Variants in BBS9 observed in about 807,000 individuals in gnomAD.
BBS9 encodes Bardet-Biedl syndrome 9.
A neutral mutation model predicts 117.7 loss-of-function variants in BBS9; 89 were observed. The ratio of observed to expected loss-of-function variants is 0.76; its 90% confidence interval spans 0.64 to 0.90. BBS9 has a LOEUF of 0.90. Among genes scored for constraint, BBS9 ranks in the 40% least tolerant of loss-of-function variants. The pLI is 0.00. For missense variants in BBS9, 982 were observed against 1,042.2 expected (o/e 0.94, Z 0.80); for synonymous variants, 379 against 370.9 (o/e 1.02, Z -0.25).
At chr7:33,191,372 T>C (rs1415258660) in intron 5 of BBS9, among the ~76,000 whole-genome samples, 1 of 152,144 alleles carries the variant, frequency 6.6e-6, no homozygotes, top group East Asian at 1.9e-4. Flanking sequence ...ATGGGGTCAA[T>C]ATATAAAGGG....
intron 15 of BBS9, 101 bp downstream of exon 15, chr7:33,352,974 C>A (rs976240935): frequency 1.6e-6 from 2 of 1,232,644 alleles, no homozygotes; most frequent in South Asian, 1.3e-5. Context: ...ATGGACTGCT[C>A]TTTTAACTAG....
At chr7:33,342,486 T>C (rs1261809160) in intron 11 of BBS9, among the ~76,000 whole-genome samples, 1 of 152,178 alleles carries the variant, frequency 6.6e-6, no homozygotes, top group Non-Finnish European at 1.5e-5. Context: ...TTTTAGGAAC[T>C]TTTAGTCTTT....
intron 21 of BBS9, among the ~76,000 whole-genome samples, chr7:33,547,918 T>C (rs1585210763): frequency 6.6e-6 from 1 of 152,210 alleles, no homozygotes; most frequent in East Asian, 1.9e-4. Context: ...AGTGGAAAAA[T>C]ATTTGAATCT....
intron 19 of BBS9, among the ~76,000 whole-genome samples, chr7:33,427,538 G>A (rs566185269): frequency 6.6e-6 from 1 of 152,224 alleles, no homozygotes; most frequent in East Asian, 1.9e-4. Context: ...TTTTGCTACT[G>A]TTCTTTTCTG....
chr7:33,396,267 T>G (rs182791085), intron 19 of BBS9, among the ~76,000 whole-genome samples: 16 of 152,228 alleles, frequency 1.1e-4, no homozygotes, highest in African/African-American at 2.2e-4. Flanking sequence ...AGCTTTCTAG[T>G]TGGAAAGTGA....
At chr7:33,265,380 A>G (rs1798640109) in intron 7 of BBS9, among the ~76,000 whole-genome samples, 4 of 152,272 alleles carry the variant, frequency 2.6e-5, no homozygotes, top group South Asian at 4.1e-4. Flanking sequence ...TAAAAATATG[A>G]TATAGTTTTG....
intron 5 of BBS9, among the ~76,000 whole-genome samples, chr7:33,236,055 T>A (rs1793417075): frequency 6.6e-6 from 1 of 152,074 alleles, no homozygotes; most frequent in Non-Finnish European, 1.5e-5. Context: ...AGGTCGGGCA[T>A]GGTGGTTCAT....
chr7:33,599,015 C>A (rs555421419), intron 21 of BBS9, among the ~76,000 whole-genome samples: 1 of 152,284 alleles, frequency 6.6e-6, no homozygotes, highest in South Asian at 2.1e-4. Context: ...TGCACTATGA[C>A]AGCAAAATGG....
chr7:33,501,407 C>G (rs1283480529), intron 19 of BBS9, among the ~76,000 whole-genome samples: 1 of 152,118 alleles, frequency 6.6e-6, no homozygotes, highest in East Asian at 1.9e-4. Context: ...ATTGTTTATC[C>G]CATTTCTTTC....
chr7:33,241,020 A>G (rs186609833), intron 5 of BBS9, among the ~76,000 whole-genome samples: 1 of 152,282 alleles, frequency 6.6e-6, no homozygotes, highest in East Asian at 1.9e-4. Flanking sequence ...CACAACCATT[A>G]CGAGGGAAAA....
At chr7:33,446,880 T>TG (rs1239226382) in intron 19 of BBS9, among the ~76,000 whole-genome samples, 1 of 152,218 alleles carries the variant, frequency 6.6e-6, no homozygotes, top group Non-Finnish European at 1.5e-5. Context: ...GGACAAAGCC[T>TG]GAATATGTGG....
intron 19 of BBS9, among the ~76,000 whole-genome samples, chr7:33,458,497 A>G (rs1368384945): frequency 6.6e-6 from 1 of 152,154 alleles, no homozygotes; most frequent in East Asian, 1.9e-4. Context: ...ATTCTGTGCC[A>G]GTTTTTCTTT....
intron 17 of BBS9, among the ~76,000 whole-genome samples, chr7:33,374,901 C>CAAAAAA (rs954530141): frequency 4.6e-5 from 3 of 64,520 alleles, no homozygotes; most frequent in Non-Finnish European, 3.0e-5. Flanking sequence ...AACTCCGTCT[C>CAAAAAA]AAAAAAAAAA....
chr7:33,207,728 G>T (rs562046465), intron 5 of BBS9, among the ~76,000 whole-genome samples: 2 of 152,042 alleles, frequency 1.3e-5, no homozygotes, highest in South Asian at 2.1e-4. Context: ...ATATGTGCAT[G>T]TATATACATA....
chr7:33,581,676 C>T (rs1859945465), intron 21 of BBS9, among the ~76,000 whole-genome samples: 1 of 152,142 alleles, frequency 6.6e-6, no homozygotes, highest in African/African-American at 2.4e-5. Flanking sequence ...AAAAGCCTTG[C>T]TGGTTCCAGA....
At chr7:33,245,711 T>C (rs942288533) in intron 5 of BBS9, among the ~76,000 whole-genome samples, 1 of 152,168 alleles carries the variant, frequency 6.6e-6, no homozygotes, top group African/African-American at 2.4e-5. Context: ...TTTAACATAG[T>C]TTCTTGCTTT....
intron 21 of BBS9, among the ~76,000 whole-genome samples, chr7:33,552,387 C>T (rs1268392043): frequency 1.3e-5 from 2 of 152,116 alleles, no homozygotes; most frequent in African/African-American, 4.8e-5. Flanking sequence ...CTACTCCTCC[C>T]CACCTCACCT....
chr7:33,162,587 G>A (rs560199710), intron 4 of BBS9, among the ~76,000 whole-genome samples: 1 of 152,112 alleles, frequency 6.6e-6, no homozygotes, highest in South Asian at 2.1e-4. Flanking sequence ...TATTCTCTTT[G>A]TAACAGTTGT....
intron 5 of BBS9, among the ~76,000 whole-genome samples, chr7:33,202,340 G>A (rs1786029297): frequency 6.6e-6 from 1 of 152,158 alleles, no homozygotes; most frequent in Non-Finnish European, 1.5e-5. Context: ...ATTTTAACCA[G>A]TGTTTGTTAG....
Sources: gnomAD v4.1 joint callset for allele counts (sites outside exome capture counted in the v4.1 genomes callset) on GRCh38, gnomAD v4.1.1 for gene constraint, MANE v1.5 for transcripts, NCBI Gene and HGNC (gene_info 2026-07-23, HGNC 2026-07-21) for gene names.